DBN1: variants seen among roughly 807,000 people sequenced by gnomAD.
DBN1 encodes the protein drebrin.
A neutral mutation model predicts 83.5 loss-of-function variants in DBN1; 21 were observed. That is an observed-to-expected ratio of 0.25 (90% CI 0.18 to 0.36). The LOEUF (loss-of-function observed/expected upper bound fraction) is 0.36. Ranked by LOEUF, DBN1 falls within the 10% of genes least tolerant of loss-of-function variation. The pLI is 1.00. For synonymous variants in DBN1, 381 were observed against 384.9 expected (o/e 0.99, Z 0.12); for missense variants, 874 against 935.7 (o/e 0.93, Z 0.86).
At chr5:177,468,557 C>A (rs1004526346) in intron 2 of DBN1, 10 of 453,078 alleles carry the variant, frequency 2.2e-5, no homozygotes, top group Non-Finnish European at 3.9e-5. Flanking sequence ...CTGGGGAAGG[C>A]GGTGAATAGG....
intron 10 of DBN1, 47 bp downstream of exon 10, chr5:177,460,385 C>T (rs535043987): frequency 8.9e-5 from 143 of 1,611,794 alleles, no homozygotes; most frequent in East Asian, 2.2e-4. Flanking sequence ...GGCTCAGGGC[C>T]GCAACCTGAG....
intron 8 of DBN1, chr5:177,462,132 A>C: frequency 2.6e-6 from 2 of 768,736 alleles, no homozygotes; most frequent in Non-Finnish European, 3.2e-6. Flanking sequence ...TTGGGTGGGC[A>C]GCGCCCGCAC....
intron 8 of DBN1, chr5:177,462,354 C>T (rs1171758416): frequency 1.6e-5 from 16 of 985,428 alleles, no homozygotes; most frequent in Non-Finnish European, 1.8e-5. Flanking sequence ...TGCTCCCCAC[C>T]CGGGGGCCAG....
In DBN1 at chr5:177,466,875, G is replaced by A. The variant is rs530025100; in HGVS notation, c.707+36C>T. On this transcript the variant is annotated intron_variant, in intron 7 of 14. Transcript: ENST00000393565. The surrounding 1 kb of genome is among the most constrained non-coding windows in gnomAD (Gnocchi z 4.8). ...AGCCAGCACCCGTCAGGGTGCGCCCGGGGGCCCCTGGAGCGCTCCGGGCGG... is the reference window on the plus strand; with the variant it reads ...AGCCAGCACCCGTCAGGGTGCGCCCAGGGGCCCCTGGAGCGCTCCGGGCGG... The A allele has an allele frequency of 1.6e-4, 251 of 1,613,624 alleles. No individual in the cohort carries two copies. In the Middle Eastern group the frequency reaches 2.3e-3, roughly 15 times the overall value.
chr5:177,463,872 T>C (rs1757219387), intron 8 of DBN1, among the ~76,000 whole-genome samples: 1 of 152,222 alleles, frequency 6.6e-6, no homozygotes, highest in African/African-American at 2.4e-5. Context: ...CAGTGCACTT[T>C]GGGAGGCCGA....
chr5:177,459,954 G>A (rs149147), intron 10 of DBN1, among the ~76,000 whole-genome samples: 9,658 of 152,228 alleles, frequency 0.063, 716 homozygotes, highest in African/African-American at 0.17. Context: ...GGCCTGTGGC[G>A]GGACCCCAGC....
intron 2 of DBN1, 42 bp downstream of exon 2, chr5:177,468,802 A>C: frequency 7.8e-7 from 1 of 1,285,932 alleles, no homozygotes; most frequent in Non-Finnish European, 1.0e-6. Context: ...AACCAGGAGG[A>C]GGGGGTGGAG....
At chr5:177,459,021 G>A (rs1246806602) in intron 12 of DBN1, 77 bp downstream of exon 12, 21 of 1,534,520 alleles carry the variant, frequency 1.4e-5, no homozygotes, top group African/African-American at 8.3e-5. Context: ...CCTGGAGAAC[G>A]GTTACCATGG....
intron 8 of DBN1, among the ~76,000 whole-genome samples, chr5:177,464,488 G>A (rs963597606): frequency 7.2e-5 from 11 of 151,868 alleles, no homozygotes; most frequent in Middle Eastern, 6.8e-3. Context: ...GGCTGGGTGA[G>A]GTGGCTCACA....
intron 1 of DBN1, among the ~76,000 whole-genome samples, chr5:177,470,309 C>T (rs1365362482): frequency 6.6e-6 from 1 of 152,178 alleles, no homozygotes; most frequent in Non-Finnish European, 1.5e-5. Context: ...TGTCTCTCTC[C>T]ATGCACTGAT....
At position 177,466,763 on chromosome 5, in the gene DBN1, A is replaced by G; in HGVS notation, c.771+9T>C. ...ACCCAGAGACCGGGAGCCTTGGCAAAGAACTTACAAAGATAGACTGCTCCT... is the reference window on the plus strand; with the variant it reads ...ACCCAGAGACCGGGAGCCTTGGCAAGGAACTTACAAAGATAGACTGCTCCT... On this transcript the variant is annotated intron_variant, in intron 8 of 14. Coordinates refer to ENST00000393565, the MANE Select transcript of DBN1 (RefSeq NM_001363541.2). This position sits in a 1 kb window ranked among gnomAD's most constrained non-coding sequence, Gnocchi z 4.8. The G allele has an allele frequency of 1.2e-6, 2 of 1,614,106 alleles. No homozygotes were observed. The highest frequency in any genetic ancestry group is 1.3e-5 in the African/African-American group (1 of 75,042).
At chr5:177,465,836 C>CA (rs1294481037) in intron 8 of DBN1, among the ~76,000 whole-genome samples, 2 of 133,984 alleles carry the variant, frequency 1.5e-5, no homozygotes, top group African/African-American at 5.8e-5. Context: ...CCCTGGGCGA[C>CA]AGAGTGAGAC....
At chr5:177,464,645 A>ATAAT (rs1554103316) in intron 8 of DBN1, among the ~76,000 whole-genome samples, 2 of 135,266 alleles carry the variant, frequency 1.5e-5, no homozygotes, top group Non-Finnish European at 3.3e-5. Context: ...AAATAAATAA[A>ATAAT]TAATAAACTT....
chr5:177,462,801 A>G (rs919112130), intron 8 of DBN1, among the ~76,000 whole-genome samples: 26 of 152,002 alleles, frequency 1.7e-4, no homozygotes, highest in African/African-American at 5.3e-4. Flanking sequence ...GAGGGCTATC[A>G]CCTCAGTGAT....
intron 8 of DBN1, among the ~76,000 whole-genome samples, chr5:177,462,850 C>T (rs1386678775): frequency 6.6e-6 from 1 of 152,208 alleles, no homozygotes; most frequent in Non-Finnish European, 1.5e-5. Flanking sequence ...AACTCCTCCT[C>T]TGCCCTTGCT....
intron 1 of DBN1, chr5:177,472,225 C>T (rs772912938): frequency 6.2e-7 from 1 of 1,613,694 alleles, no homozygotes; most frequent in Admixed American, 1.7e-5. Flanking sequence ...TCCTCTCCTC[C>T]AGAAGCCCCC....
chr5:177,463,042 G>T (rs778648058), intron 8 of DBN1, among the ~76,000 whole-genome samples: 1 of 151,716 alleles, frequency 6.6e-6, no homozygotes, highest in African/African-American at 2.4e-5. Flanking sequence ...TACCACAAAG[G>T]CTTTTTTTTT....
Position 177,459,230 on chromosome 5 carries a change from G to A in DBN1, c.1132C>T (p.Pro378Ser). ...TCAGACGGGCTCCGCGTGGGGATGGGAGTGGGCGCCATCCTCCGGTGGCTG... is the reference window on the plus strand; with the variant it reads ...TCAGACGGGCTCCGCGTGGGGATGGAAGTGGGCGCCATCCTCCGGTGGCTG... ...LDSHRRMAPT[P>S]IPTRSPSDSS... is the part of the protein sequence containing the mutation. The change falls in exon 12 of 15, where the codon CCC becomes TCC. Residue 378 changes from proline (P) to serine (S), a missense_variant. Coordinates refer to ENST00000393565, the MANE Select transcript of DBN1 (RefSeq NM_001363541.2). 6.2e-7 allele frequency: 1 copy of A among 1,610,792 alleles called. No homozygotes were observed. The highest frequency in any genetic ancestry group is 8.5e-7 in the Non-Finnish European group (1 of 1,179,224).
chr5:177,472,133 AGCTTGT>A (rs2127405195), intron 1 of DBN1: 1 of 1,610,688 alleles, frequency 6.2e-7, no homozygotes, highest in South Asian at 1.1e-5. Context: ...AGGACACGAG[AGCTTGT>A]CTCTCGCGTC....
Sources: gnomAD v4.1 joint callset for allele counts (sites outside exome capture counted in the v4.1 genomes callset) on GRCh38, gnomAD v4.1.1 for gene constraint, Gnocchi (gnomAD v3.1) non-coding constraint, MANE v1.5 for transcripts, NCBI Gene and HGNC (gene_info 2026-07-23, HGNC 2026-07-21) for gene names.